The following TOX variants were observed in gnomAD, a reference collection of about 807,000 sequenced individuals.
The protein encoded by TOX is thymocyte selection-associated high mobility group box protein TOX.
In TOX, 11 loss-of-function variants were observed where a neutral mutation model predicts 53.7. That is an observed-to-expected ratio of 0.20 (90% confidence interval 0.13 to 0.34). The LOEUF (loss-of-function observed/expected upper bound fraction) is 0.34, where lower values mean the gene tolerates loss of function less well. TOX is among the 10% of genes least tolerant of loss of function. TOX has a pLI of 1.00. For synonymous variants in TOX, 225 were observed against 245.3 expected (o/e 0.92, Z 0.77); for missense variants, 570 against 664.6 (o/e 0.86, Z 1.56).
intron 1 of TOX, among the ~76,000 whole-genome samples, chr8:58,965,580 T>C (rs886079555): frequency 2.0e-5 from 3 of 152,170 alleles, no homozygotes; most frequent in African/African-American, 7.2e-5. Context: ...GGGAACATTT[T>C]AGGGAAACCA....
At chr8:59,001,136 A>G (rs1813681745) in intron 1 of TOX, among the ~76,000 whole-genome samples, 1 of 152,164 alleles carries the variant, frequency 6.6e-6, no homozygotes, top group Non-Finnish European at 1.5e-5. Flanking sequence ...AAGAACTAAG[A>G]TTACTCTTTG....
intron 3 of TOX, among the ~76,000 whole-genome samples, chr8:58,896,218 G>T (rs975289296): frequency 6.6e-6 from 1 of 152,042 alleles, no homozygotes; most frequent in Non-Finnish European, 1.5e-5. Flanking sequence ...AGGTTCAAGC[G>T]GAAAACCCTG....
chr8:58,857,936 CTTG>C (rs559746253), intron 3 of TOX, among the ~76,000 whole-genome samples: 69 of 152,046 alleles, frequency 4.5e-4, no homozygotes, highest in African/African-American at 1.5e-3. Context: ...CACCCAGCTA[CTTG>C]TTGTATTTTT....
intron 1 of TOX, among the ~76,000 whole-genome samples, chr8:59,067,520 A>C (rs1368114406): frequency 6.6e-6 from 1 of 152,122 alleles, no homozygotes; most frequent in Non-Finnish European, 1.5e-5. Flanking sequence ...ACACCACTGC[A>C]CTCCAGCTGG....
chr8:58,900,279 A>T (rs1357228530), intron 3 of TOX, among the ~76,000 whole-genome samples: 2 of 152,240 alleles, frequency 1.3e-5, no homozygotes, highest in African/African-American at 4.8e-5. Flanking sequence ...AAAATATTAT[A>T]CAAAATGGCT....
At chr8:59,003,446 GA>G (rs1813731383) in intron 1 of TOX, among the ~76,000 whole-genome samples, 1 of 152,112 alleles carries the variant, frequency 6.6e-6, no homozygotes, top group Non-Finnish European at 1.5e-5. Context: ...GGATTTTAAC[GA>G]GTGACATAAG....
intron 1 of TOX, among the ~76,000 whole-genome samples, chr8:59,094,510 C>T (rs991419004): frequency 2.0e-5 from 3 of 151,506 alleles, no homozygotes; most frequent in African/African-American, 7.3e-5. Flanking sequence ...TAGTGGCACA[C>T]GCATATAGGT....
intron 1 of TOX, among the ~76,000 whole-genome samples, chr8:59,088,877 C>T (rs1417077963): frequency 1.3e-5 from 2 of 152,092 alleles, no homozygotes. Flanking sequence ...ACCTATTAGC[C>T]ACAAGTTATA....
chr8:58,833,682 T>C (rs1325528232), intron 5 of TOX, among the ~76,000 whole-genome samples: 4 of 152,234 alleles, frequency 2.6e-5, no homozygotes, highest in Admixed American at 6.5e-5. Context: ...ATCTGGTGCA[T>C]TTTAAACAAC....
At chr8:59,008,352 A>G (rs1813830904) in intron 1 of TOX, among the ~76,000 whole-genome samples, 1 of 152,268 alleles carries the variant, frequency 6.6e-6, no homozygotes, top group Non-Finnish European at 1.5e-5. Flanking sequence ...ATGGATAAAG[A>G]ATAAATAAGA....
intron 5 of TOX, among the ~76,000 whole-genome samples, chr8:58,833,611 C>T (rs906091984): frequency 1.3e-5 from 2 of 152,098 alleles, no homozygotes; most frequent in Non-Finnish European, 2.9e-5. Flanking sequence ...GGTTCCAGTC[C>T]GTGAAAGATA....
At chr8:58,893,753 T>C (rs1178227581) in intron 3 of TOX, among the ~76,000 whole-genome samples, 1 of 152,192 alleles carries the variant, frequency 6.6e-6, no homozygotes, top group African/African-American at 2.4e-5. Flanking sequence ...ACAAAAGCTT[T>C]CAAAACTTCA....
intron 3 of TOX, among the ~76,000 whole-genome samples, chr8:58,894,279 G>A (rs1340820789): frequency 1.3e-5 from 2 of 152,180 alleles, no homozygotes; most frequent in African/African-American, 4.8e-5. Flanking sequence ...CACAAACATT[G>A]TGGTGTTTAG....
At chr8:59,050,572 C>A (rs760145527) in intron 1 of TOX, among the ~76,000 whole-genome samples, 1 of 151,944 alleles carries the variant, frequency 6.6e-6, no homozygotes, top group Non-Finnish European at 1.5e-5. Flanking sequence ...TTGAACTCTA[C>A]GGTAAATTTT....
rs573068843 is a variant in TOX, at chr8:58,982,372, C to T, written c.103-22364G>A. On this transcript the variant is annotated intron_variant, in intron 1 of 8. Transcript: ENST00000361421. Reference sequence around the variant, plus strand: ...ACAGAGAAGATCTCAAATATCTTTTCGGGGAGGATTACTCTGCCTATCTCC... The same window carrying T: ...ACAGAGAAGATCTCAAATATCTTTTTGGGGAGGATTACTCTGCCTATCTCC... Among the ~76,000 whole-genome samples, 50 of 152,280 alleles carry T rather than the reference C, an allele frequency of 3.3e-4. 1 individual carries two copies. Among genetic ancestry groups the T allele is most frequent in the South Asian group, 1.9e-3 (9 of 4,822 alleles).
intron 2 of TOX, among the ~76,000 whole-genome samples, chr8:58,944,166 T>G (rs1300579387): frequency 6.6e-6 from 1 of 152,186 alleles, no homozygotes; most frequent in African/African-American, 2.4e-5. Flanking sequence ...AGGACTCTTG[T>G]GTTCCAGCGC....
chr8:58,958,362 A>C (rs1812745494), intron 2 of TOX, among the ~76,000 whole-genome samples: 1 of 152,216 alleles, frequency 6.6e-6, no homozygotes, highest in African/African-American at 2.4e-5. Context: ...GGACATAATG[A>C]TTCTCTAAGA....
At chr8:58,915,067 G>A (rs1400801855) in intron 3 of TOX, among the ~76,000 whole-genome samples, 3 of 148,592 alleles carry the variant, frequency 2.0e-5, no homozygotes, top group Middle Eastern at 3.6e-3. Flanking sequence ...ACGGAATCTC[G>A]CTGATTGCTA....
At chr8:58,952,475 T>A (rs1245539200) in intron 2 of TOX, among the ~76,000 whole-genome samples, 1 of 152,212 alleles carries the variant, frequency 6.6e-6, no homozygotes, top group Non-Finnish European at 1.5e-5. Flanking sequence ...ATTGTTCACA[T>A]GCTAAAGAAG....
Sources: allele counts gnomAD v4.1 joint callset (sites outside exome capture counted in the v4.1 genomes callset), GRCh38; gene constraint gnomAD v4.1.1; transcripts MANE v1.5; gene names NCBI Gene and HGNC (gene_info 2026-07-23, HGNC 2026-07-21).